Variants in SKAP2 observed in about 807,000 individuals in gnomAD.
SKAP2 encodes the protein src kinase associated phosphoprotein 2.
Under a neutral mutation model 54.9 loss-of-function variants are expected in SKAP2, and 28 were observed. That is an observed-to-expected ratio of 0.51 (90% confidence interval 0.38 to 0.70). The LOEUF (loss-of-function observed/expected upper bound fraction) is 0.70, where lower values mean the gene tolerates loss of function less well. Ranked by LOEUF, SKAP2 falls within the 30% of genes least tolerant of loss-of-function variation. SKAP2 has a pLI of 0.00. For synonymous variants in SKAP2, 137 were observed against 134.3 expected, an observed-to-expected ratio of 1.02 and a Z score of -0.14; for missense variants, 356 against 424.1, an observed-to-expected ratio of 0.84 and a Z score of 1.41.
At chr7:26,690,488 AAT>A in intron 9 of SKAP2, 126 bp from the exon 10 acceptor site, 2 of 600,050 alleles carry the variant, frequency 3.3e-6, no homozygotes, top group South Asian at 4.5e-5. Context: ...CAAAGAATAA[AAT>A]AACTCAAGAT....
At chr7:26,835,896 C>CA (rs1417509218) in intron 4 of SKAP2, among the ~76,000 whole-genome samples, 1 of 151,964 alleles carries the variant, frequency 6.6e-6, no homozygotes, top group Non-Finnish European at 1.5e-5. Context: ...CAATCCTAAA[C>CA]AAAAAAGAAC....
intron 4 of SKAP2, among the ~76,000 whole-genome samples, chr7:26,766,671 T>G (rs1171376891): frequency 3.3e-5 from 5 of 152,202 alleles, no homozygotes; most frequent in African/African-American, 1.2e-4. Flanking sequence ...ATTGAGAGTT[T>G]TTAGCATGAA....
intron 4 of SKAP2, among the ~76,000 whole-genome samples, chr7:26,755,070 T>G (rs1584370696): frequency 6.6e-6 from 1 of 152,220 alleles, no homozygotes. Flanking sequence ...CATGTCTGAA[T>G]AGACCATGAT....
At chr7:26,833,193 G>A (rs1040211583) in intron 4 of SKAP2, among the ~76,000 whole-genome samples, 6 of 151,892 alleles carry the variant, frequency 4.0e-5, no homozygotes, top group Non-Finnish European at 1.5e-5. Context: ...AGGGGATCGA[G>A]ACCATCCTGG....
chr7:26,703,577 CAAACTTAGACAAGTTAATT>C (rs1229437147), intron 9 of SKAP2, among the ~76,000 whole-genome samples: 7 of 152,274 alleles, frequency 4.6e-5, no homozygotes, highest in African/African-American at 1.4e-4. Flanking sequence ...ACTAGCTATA[CAAACTTAGACAAGTTAATT>C]AAACTCTCTG....
chr7:26,751,209 G>T (rs1291897092), intron 4 of SKAP2, among the ~76,000 whole-genome samples: 1 of 152,044 alleles, frequency 6.6e-6, no homozygotes, highest in African/African-American at 2.4e-5. Context: ...TACATAAACA[G>T]TTGTCATTCT....
rs772547168 is a variant in SKAP2, at chr7:26,686,660, T to C, written c.875-1812A>G. Among the ~76,000 whole-genome samples the C allele has an allele frequency of 5.9e-5, 9 of 152,306 alleles. 1 individual carries two copies. The highest frequency in any genetic ancestry group is 1.9e-4 in the East Asian group (1 of 5,186). On this transcript the variant is annotated intron_variant, in intron 10 of 12. Coordinates refer to ENST00000345317, the MANE Select transcript of SKAP2 (RefSeq NM_003930.5). ...TTTAAAAACCACTTATTTAGACAAATAGAGATTTAGAAGTTGAAACATTCT... is the reference window on the plus strand; with the variant it reads ...TTTAAAAACCACTTATTTAGACAAACAGAGATTTAGAAGTTGAAACATTCT...
intron 4 of SKAP2, among the ~76,000 whole-genome samples, chr7:26,839,690 A>G (rs2127994645): frequency 6.6e-6 from 1 of 152,158 alleles, no homozygotes; most frequent in African/African-American, 2.4e-5. Flanking sequence ...ACATTGTTTC[A>G]TACTCTACTG....
intron 4 of SKAP2, among the ~76,000 whole-genome samples, chr7:26,754,998 G>C (rs1209793625): frequency 6.6e-6 from 1 of 152,162 alleles, no homozygotes; most frequent in Admixed American, 6.5e-5. Context: ...TTTAGATATG[G>C]TAAGATCTTA....
intron 4 of SKAP2, among the ~76,000 whole-genome samples, chr7:26,775,349 T>G (rs540599979): frequency 6.6e-6 from 1 of 152,304 alleles, no homozygotes; most frequent in South Asian, 2.1e-4. Flanking sequence ...TTTTTGAAAT[T>G]TTTATTGAGA....
chr7:26,801,888 T>C (rs1308882089), intron 4 of SKAP2, among the ~76,000 whole-genome samples: 4 of 152,290 alleles, frequency 2.6e-5, no homozygotes, highest in Middle Eastern at 3.4e-3. Context: ...TTCATGTTCA[T>C]GGGTTGGAAG....
intron 11 of SKAP2, among the ~76,000 whole-genome samples, chr7:26,677,067 T>C (rs1010993083): frequency 5.9e-5 from 9 of 152,332 alleles, no homozygotes; most frequent in African/African-American, 1.9e-4. Context: ...ATTTGGTTTC[T>C]CACAGGGTTT....
At chr7:26,747,562 T>G (rs1310650677) in intron 4 of SKAP2, among the ~76,000 whole-genome samples, 1 of 151,970 alleles carries the variant, frequency 6.6e-6, no homozygotes, top group African/African-American at 2.4e-5. Flanking sequence ...GGAGTTAGGG[T>G]GGAAATTTTC....
chr7:26,708,840 C>A (rs1268254402), intron 9 of SKAP2, among the ~76,000 whole-genome samples: 1 of 152,192 alleles, frequency 6.6e-6, no homozygotes, highest in African/African-American at 2.4e-5. Flanking sequence ...CAGTGTCTAG[C>A]ACAGTGCCTG....
At chr7:26,778,354 T>A (rs749921181) in intron 4 of SKAP2, among the ~76,000 whole-genome samples, 3 of 152,086 alleles carry the variant, frequency 2.0e-5, no homozygotes, top group Non-Finnish European at 4.4e-5. Context: ...CTAAATGAAA[T>A]AATTTATATA....
rs112664548 is a variant in SKAP2 at position 26,747,697 on chromosome 7, T to G, written c.308-7733A>C. Among the ~76,000 whole-genome samples the G allele has an allele frequency of 1.9e-3, 282 of 152,146 alleles. 2 individuals are homozygous for G. The highest frequency in any genetic ancestry group is 6.4e-3 in the African/African-American group (267 of 41,522). ...GATTAAGCATTTGTTCAGAGTCCAA[T>G]CAAAAGCTTCTATTTTACATCTCTT... On this transcript the variant is annotated intron_variant, in intron 4 of 12. Transcript: ENST00000345317.
At position 26,847,745 on chromosome 7, in the gene SKAP2, A is replaced by C. The variant is rs547288319; in HGVS notation, c.200-3608T>G. 3.3e-5 allele frequency among the ~76,000 whole-genome samples: 5 copies of C among 152,294 alleles called. No individual in the cohort carries two copies. The East Asian group carries it at 9.6e-4, about 29-fold the overall frequency. On this transcript the variant is annotated intron_variant, in intron 3 of 12. Coordinates refer to ENST00000345317, the MANE Select transcript of SKAP2 (RefSeq NM_003930.5). ...AGCCTGTGCCACTGACAATAGCATA[A>C]ATTTTGCATCTCATTTCTGTGGTCA...
At chr7:26,722,552 C>T (rs1419779976) in intron 9 of SKAP2, among the ~76,000 whole-genome samples, 5 of 151,592 alleles carry the variant, frequency 3.3e-5, no homozygotes, top group Non-Finnish European at 5.9e-5. Context: ...CCACCATGCC[C>T]GGCTAATTTT....
intron 4 of SKAP2, among the ~76,000 whole-genome samples, chr7:26,780,240 T>C (rs1298945798): frequency 6.6e-6 from 1 of 152,152 alleles, no homozygotes; most frequent in Non-Finnish European, 1.5e-5. Context: ...GAAGAGTATC[T>C]GGCACATTAG....
Sources: gnomAD v4.1 joint callset for allele counts (sites outside exome capture counted in the v4.1 genomes callset) on GRCh38, gnomAD v4.1.1 for gene constraint, MANE v1.5 for transcripts, NCBI Gene and HGNC (gene_info 2026-07-23, HGNC 2026-07-21) for gene names.